Variants in YIPF7 observed in about 807,000 individuals in gnomAD.
YIPF7 encodes protein YIPF7.
In YIPF7, 35 loss-of-function variants were observed where a neutral mutation model predicts 27.2. The ratio of observed to expected loss-of-function variants is 1.29; its 90% CI spans 0.98 to 1.70. The LOEUF (loss-of-function observed/expected upper bound fraction) is 1.70, where lower values mean the gene tolerates loss of function less well. Ranked by LOEUF, YIPF7 falls within the 40% of genes most tolerant of loss-of-function variation. The probability of loss-of-function intolerance (pLI) is 0.00; values close to 1 mark genes in which losing one functional copy is unlikely to be tolerated. For synonymous variants in YIPF7, 137 were observed against 110.4 expected (o/e 1.24, Z -1.51); for missense variants, 358 against 303.7 (o/e 1.18, Z -1.33).
At chr4:44,633,902 G>C (rs1713011800) in intron 3 of YIPF7, among the ~76,000 whole-genome samples, 1 of 152,108 alleles carries the variant, frequency 6.6e-6, no homozygotes, top group Admixed American at 6.5e-5. Flanking sequence ...TAGTAACCCA[G>C]AGGTACAAAG....
upstream of YIPF7, among the ~76,000 whole-genome samples, chr4:44,654,857 A>C (rs1713839363): frequency 6.6e-6 from 1 of 151,962 alleles, no homozygotes; most frequent in Non-Finnish European, 1.5e-5. Flanking sequence ...TCCCACTTAT[A>C]ATTCTCTTTG....
chr4:44,627,573 T>C (rs1712718943), intron 4 of YIPF7, among the ~76,000 whole-genome samples: 1 of 152,228 alleles, frequency 6.6e-6, no homozygotes, highest in African/African-American at 2.4e-5. Context: ...TCAAGTAATA[T>C]TCAATTGGAG....
At chr4:44,641,342 A>G (rs929257840) in intron 2 of YIPF7, among the ~76,000 whole-genome samples, 1 of 152,170 alleles carries the variant, frequency 6.6e-6, no homozygotes, top group Admixed American at 6.5e-5. Flanking sequence ...CAAGTCAGCC[A>G]TCTTGAATAA....
At chr4:44,631,484 C>G (rs1351405556) in intron 3 of YIPF7, among the ~76,000 whole-genome samples, 1 of 151,912 alleles carries the variant, frequency 6.6e-6, no homozygotes, top group Non-Finnish European at 1.5e-5. Context: ...CACAGAGGAC[C>G]CTTATTCTAA....
Position 44,629,546 on chromosome 4 carries a change from G to A in YIPF7, c.283C>T (p.Leu95Phe). The change falls in exon 4 of 6, where the codon CTT becomes TTT. Residue 95 changes from leucine to phenylalanine, a missense_variant and splice_region_variant. By Grantham distance (22) the Leu-to-Phe change is conservative. Coordinates refer to ENST00000415895, the MANE Select transcript of YIPF7 (RefSeq NM_182592.3). ...FDEEPPLLEE[L>F]GIHFDHIWQK... ...CATATGTGATCAAAATGGATTCCAAGTTCTGTAAAAAGGAAAAAAGATAAA... is the reference window on the plus strand; with the variant it reads ...CATATGTGATCAAAATGGATTCCAAATTCTGTAAAAAGGAAAAAAGATAAA... The A allele has an allele frequency of 6.6e-7, 1 of 1,520,566 alleles. No homozygotes were observed. Among genetic ancestry groups the A allele is most frequent in the Admixed American group, 2.2e-5 (1 of 44,480 alleles). The allele number at this position is 1,520,566 out of a possible 1,614,324, so 94.2% of individuals were successfully genotyped here. A position where few individuals can be genotyped will look rare whatever the true frequency, so the allele number is the denominator to read the frequency against.
chr4:44,640,061 A>G (rs1004590890), intron 2 of YIPF7, among the ~76,000 whole-genome samples: 2 of 152,020 alleles, frequency 1.3e-5, no homozygotes, highest in Non-Finnish European at 2.9e-5. Context: ...ATGGCATATT[A>G]TTTTTTGATG....
chr4:44,636,275 A>C (rs1344940010), intron 2 of YIPF7, among the ~76,000 whole-genome samples, 190 bp from the exon 3 acceptor site: 1 of 152,224 alleles, frequency 6.6e-6, no homozygotes, highest in Non-Finnish European at 1.5e-5. Flanking sequence ...AGCCTTCTAG[A>C]AAAATAATCC....
Position 44,636,651 on chromosome 4 carries a change from A to G in YIPF7, c.117-566T>C, listed in dbSNP as rs533156843. 1.2e-4 allele frequency among the ~76,000 whole-genome samples: 18 copies of G among 152,344 alleles called. No homozygotes were observed. The East Asian group carries it at 2.7e-3, about 23-fold the overall frequency. On this transcript the variant is annotated intron_variant, in intron 2 of 5. Transcript: ENST00000415895. ...TAAATACATACACTAATTGCTGTGCATAAGGAAATACACTTCAGTTGTAGC... is the reference window on the plus strand; with the variant it reads ...TAAATACATACACTAATTGCTGTGCGTAAGGAAATACACTTCAGTTGTAGC...
At chr4:44,652,688 T>A (rs1434395268), upstream of YIPF7, among the ~76,000 whole-genome samples, 2 of 152,186 alleles carry the variant, frequency 1.3e-5, no homozygotes, top group Non-Finnish European at 2.9e-5. Context: ...GATGCCAGGG[T>A]TTCAGAAACA....
At chr4:44,629,948 G>T (rs1470981811) in intron 3 of YIPF7, among the ~76,000 whole-genome samples, 1 of 152,134 alleles carries the variant, frequency 6.6e-6, no homozygotes. Context: ...TGTCCATCTA[G>T]ATATTTCCTT....
rs1347606359 is a variant in YIPF7, at chr4:44,624,708, G to A, written c.501C>T (p.Asn167=). Residue 167 remains asparagine (N), a synonymous_variant, in exon 5 of 6, where the codon AAC becomes AAT. Coordinates refer to ENST00000415895, the MANE Select transcript of YIPF7 (RefSeq NM_182592.3). The part of the protein sequence containing the change: ...IGCLVIHALL[N]LMSSSGVSYG... ...ACGACACCCCTGAAGAGCTCATCAG[G>A]TTCAGCAAGGCATGAATCACAAGGC... The A allele has an allele frequency of 1.9e-6, 3 of 1,610,740 alleles. No individual in the cohort carries two copies. In the South Asian group the frequency reaches 3.3e-5, roughly 18 times the overall value.
intron 3 of YIPF7, among the ~76,000 whole-genome samples, chr4:44,635,012 T>A (rs1171212513): frequency 1.3e-5 from 2 of 152,316 alleles, no homozygotes; most frequent in East Asian, 1.9e-4. Context: ...TCTTTCATGT[T>A]TTTATATTTT....
chr4:44,653,217 A>C (rs541188241), upstream of YIPF7, among the ~76,000 whole-genome samples: 7 of 152,204 alleles, frequency 4.6e-5, no homozygotes, highest in East Asian at 1.2e-3. Flanking sequence ...GAAGGAGATG[A>C]GGTCAGAGGT....
intron 5 of YIPF7, among the ~76,000 whole-genome samples, chr4:44,623,508 T>C (rs1233427833): frequency 6.6e-6 from 1 of 152,198 alleles, no homozygotes; most frequent in Non-Finnish European, 1.5e-5. Context: ...GGGAATTATG[T>C]TTATTATTTG....
intron 2 of YIPF7, among the ~76,000 whole-genome samples, chr4:44,648,945 C>G (rs1023073862): frequency 7.2e-5 from 11 of 152,086 alleles, no homozygotes; most frequent in Non-Finnish European, 1.3e-4. Context: ...GTTTCATTTT[C>G]AACTCAAGTT....
intron 3 of YIPF7, among the ~76,000 whole-genome samples, chr4:44,630,271 T>G (rs377409489): frequency 6.6e-6 from 1 of 152,124 alleles, no homozygotes; most frequent in Non-Finnish European, 1.5e-5. Context: ...CCTGGCCCTT[T>G]TCCTGTATTT....
intron 2 of YIPF7, among the ~76,000 whole-genome samples, chr4:44,636,386 C>T (rs116067815): frequency 3.3e-4 from 50 of 152,226 alleles, no homozygotes; most frequent in African/African-American, 1.2e-3. Flanking sequence ...TTTCTAATCC[C>T]ATTTTACAGA....
intron 2 of YIPF7, among the ~76,000 whole-genome samples, chr4:44,658,415 C>T (rs1394692098): frequency 6.6e-6 from 1 of 152,176 alleles, no homozygotes; most frequent in Non-Finnish European, 1.5e-5. Flanking sequence ...TGACAAGCCA[C>T]CCTGTCTATG....
At chr4:44,625,863 C>T (rs75274529) in intron 4 of YIPF7, among the ~76,000 whole-genome samples, 2,380 of 152,192 alleles carry the variant, frequency 0.016, 61 homozygotes, top group African/African-American at 0.054. Context: ...TTACATTATG[C>T]TGATCATAAC....
Sources: allele counts gnomAD v4.1 joint callset (sites outside exome capture counted in the v4.1 genomes callset), GRCh38; gene constraint gnomAD v4.1.1; transcripts MANE v1.5; gene names NCBI Gene and HGNC (gene_info 2026-07-23, HGNC 2026-07-21).